Variants in UNC79 observed in about 807,000 individuals in gnomAD.
UNC79 encodes the protein protein unc-79 homolog.
A neutral mutation model predicts 283.1 loss-of-function variants in UNC79; 37 were observed. That is an observed-to-expected ratio of 0.13 (90% CI 0.10 to 0.17). UNC79 has a LOEUF of 0.17. Ranked by LOEUF, UNC79 falls within the 10% of genes least tolerant of loss-of-function variation. UNC79 has a pLI of 1.00. For synonymous variants in UNC79, 1,107 were observed against 1,200.2 expected, an observed-to-expected ratio of 0.92 and a Z score of 1.61; for missense variants, 2,272 against 3,211.1, an observed-to-expected ratio of 0.71 and a Z score of 7.07.
At chr14:93,496,812 A>T (rs1381827152) in intron 6 of UNC79, among the ~76,000 whole-genome samples, 1 of 152,184 alleles carries the variant, frequency 6.6e-6, no homozygotes, top group Non-Finnish European at 1.5e-5. Flanking sequence ...AAGAAATGTG[A>T]TTAGGGAAAT....
intron 30 of UNC79, among the ~76,000 whole-genome samples, chr14:93,628,574 A>G (rs1327117133): frequency 1.3e-5 from 2 of 152,154 alleles, no homozygotes; most frequent in Non-Finnish European, 2.9e-5. Flanking sequence ...CCCAAATGAA[A>G]GCTCCTGAAG....
intron 1 of UNC79, among the ~76,000 whole-genome samples, chr14:93,423,062 C>CAAAAAAAAAAAAAAAAAAAA (rs71129634): frequency 1.3e-5 from 1 of 77,304 alleles, no homozygotes; most frequent in African/African-American, 5.5e-5. Flanking sequence ...GACTCTGTCT[C>CAAAAAAAAAAAAAAAAAAAA]AAAAAAAAAA....
At chr14:93,666,727 T>C (rs1389268427) in intron 40 of UNC79, among the ~76,000 whole-genome samples, 2 of 152,078 alleles carry the variant, frequency 1.3e-5, no homozygotes, top group Non-Finnish European at 2.9e-5. Context: ...ATTCAAACAA[T>C]AACAGTGAGC....
chr14:93,643,467 C>T lies in UNC79; in HGVS notation c.5904-90C>T, dbSNP rs149088529. ...TCTCCTTTTGGAGACTTTTCCAAGACCTACTAAAAACAGCCGTGTGTGTAG... is the reference window on the plus strand; with the variant it reads ...TCTCCTTTTGGAGACTTTTCCAAGATCTACTAAAAACAGCCGTGTGTGTAG... On this transcript the variant is annotated intron_variant, in intron 33 of 48. Coordinates refer to ENST00000555664, the Ensembl canonical transcript of UNC79. 14 of 1,594,562 alleles carry T rather than the reference C, an allele frequency of 8.8e-6. No homozygotes were observed. In the East Asian group the frequency reaches 2.7e-4, roughly 31 times the overall value.
At chr14:93,624,525 G>T (rs1285671551) in intron 30 of UNC79, among the ~76,000 whole-genome samples, 1 of 152,112 alleles carries the variant, frequency 6.6e-6, no homozygotes, top group Non-Finnish European at 1.5e-5. Flanking sequence ...TTGCATGTAG[G>T]TTCTAGCATG....
chr14:93,466,942 A>G (rs2057211700), intron 1 of UNC79: 4 of 984,068 alleles, frequency 4.1e-6, no homozygotes, highest in Middle Eastern at 5.2e-4. Flanking sequence ...TCCCTCCTGA[A>G]TCTTGAGAAG....
At chr14:93,680,798 G>C (rs978686224) in intron 41 of UNC79, among the ~76,000 whole-genome samples, 1 of 151,956 alleles carries the variant, frequency 6.6e-6, no homozygotes, top group Non-Finnish European at 1.5e-5. Flanking sequence ...GATTACAAGC[G>C]TGAGCCACCA....
At chr14:93,664,492 A>G (rs1352690481) in intron 40 of UNC79, among the ~76,000 whole-genome samples, 1 of 152,176 alleles carries the variant, frequency 6.6e-6, no homozygotes, top group Non-Finnish European at 1.5e-5. Context: ...CAAAGAAAAG[A>G]GATGAAGTCT....
chr14:93,477,340 A>C (rs2057860462), intron 3 of UNC79, among the ~76,000 whole-genome samples: 1 of 152,200 alleles, frequency 6.6e-6, no homozygotes, highest in Non-Finnish European at 1.5e-5. Context: ...CATGTAATGG[A>C]TATTTATATT....
chr14:93,609,885 G>A (rs1003342358), intron 26 of UNC79, among the ~76,000 whole-genome samples: 1 of 152,134 alleles, frequency 6.6e-6, no homozygotes, highest in African/African-American at 2.4e-5. Context: ...CACTCTGGAG[G>A]GGTAAATTAT....
Position 93,542,682 on chromosome 14 carries a change from A to G in UNC79, c.1741A>G (p.Met581Val), listed in dbSNP as rs1025196721. ...GGTCATGTGCCTTCTTCCTAAACCC[A>G]TGGAATTTGCCAGGGTAAGTGGAGG... is the stretch of plus-strand genomic sequence containing the variant. The change falls in exon 14 of 49, where the codon ATG becomes GTG. Residue 581 changes from methionine (M) to valine (V), a missense_variant. Physicochemically the swap from Met to Val is conservative, Grantham distance 21. Around this residue, in one of 11 missense-constraint regions of UNC79, gnomAD observed 142 missense variants for 230.7 expected, o/e 0.62. Transcript: ENST00000555664. 27 of 1,614,066 alleles carry G rather than the reference A, an allele frequency of 1.7e-5. No individual in the cohort carries two copies. Among genetic ancestry groups the G allele is most frequent in the Non-Finnish European group, 2.2e-5 (26 of 1,180,030 alleles).
At chr14:93,552,592 G>A (rs982488605) in intron 14 of UNC79, among the ~76,000 whole-genome samples, 10 of 152,146 alleles carry the variant, frequency 6.6e-5, no homozygotes, top group Non-Finnish European at 5.9e-5. Context: ...TTTTATCAAA[G>A]ACAAATTATT....
chr14:93,565,679 A>C (rs2402314), intron 14 of UNC79, among the ~76,000 whole-genome samples: 91,603 of 151,538 alleles, frequency 0.6, 28,240 homozygotes, highest in Admixed American at 0.68. Context: ...ACAGCAAACT[A>C]ACAGTCAGTA....
intron 14 of UNC79, among the ~76,000 whole-genome samples, chr14:93,559,641 G>C (rs1400843063): frequency 1.3e-5 from 2 of 152,148 alleles, no homozygotes; most frequent in African/African-American, 4.8e-5. Context: ...GCCAGGAGAA[G>C]GAATTTCACA....
intron 35 of UNC79, among the ~76,000 whole-genome samples, chr14:93,652,581 T>G (rs1278273589): frequency 6.6e-6 from 1 of 152,238 alleles, no homozygotes; most frequent in Non-Finnish European, 1.5e-5. Flanking sequence ...TTTGTCATGA[T>G]GTGTGTTGAC....
intron 16 of UNC79, among the ~76,000 whole-genome samples, chr14:93,573,562 T>G (rs2063320602): frequency 6.6e-6 from 1 of 152,208 alleles, no homozygotes; most frequent in African/African-American, 2.4e-5. Context: ...GAGGACAGAA[T>G]CAATGTTTAG....
chr14:93,492,132 A>G (rs1170211463), intron 5 of UNC79, among the ~76,000 whole-genome samples: 2 of 152,222 alleles, frequency 1.3e-5, no homozygotes, highest in African/African-American at 4.8e-5. Context: ...AAAACCACAC[A>G]AAAACATAAG....
chr14:93,347,850 A>T (rs572308769), intron 1 of UNC79, among the ~76,000 whole-genome samples: 105 of 127,910 alleles, frequency 8.2e-4, no homozygotes, highest in Non-Finnish European at 1.3e-3. Flanking sequence ...AAAATGAATT[A>T]AAAAAAAAAA....
At position 93,704,521 on chromosome 14, in the gene UNC79, G is replaced by A. The variant is rs2075741071; in HGVS notation, c.7549-104G>A. 5.3e-6 allele frequency: 7 copies of A among 1,332,642 alleles called. No homozygotes were observed. The Admixed American group carries it at 8.5e-5, about 16-fold the overall frequency. The allele number at this position is 1,332,642 out of a possible 1,614,324, so 82.6% of individuals were successfully genotyped here. On this transcript the variant is annotated intron_variant, in intron 47 of 48. Transcript: ENST00000555664. ...TGCAGCAGGGCCCACATCCGTGCGC[G>A]ACGTGAAAGGGATTCAATGTGGCCT...
Sources: gnomAD v4.1 joint callset for allele counts (sites outside exome capture counted in the v4.1 genomes callset) on GRCh38, gnomAD v4.1.1 for gene constraint, gnomAD v4.1.1 regional missense constraint, MANE v1.5 for transcripts, NCBI Gene and HGNC (gene_info 2026-07-23, HGNC 2026-07-21) for gene names.